Variants in OPCML observed in about 807,000 individuals in gnomAD.
The protein encoded by OPCML is opioid-binding protein/cell adhesion molecule.
A neutral mutation model predicts 37.8 loss-of-function variants in OPCML; 13 were observed. The ratio of observed to expected loss-of-function variants is 0.34; its 90% CI spans 0.22 to 0.55. The LOEUF (loss-of-function observed/expected upper bound fraction) is 0.55, where lower values mean the gene tolerates loss of function less well. OPCML is among the 20% of genes least tolerant of loss of function. The pLI, the probability that OPCML is intolerant of heterozygous loss-of-function variation, is 0.91. For missense variants in OPCML, 341 were observed against 435.6 expected, an observed-to-expected ratio of 0.78 and a Z score of 1.93; for synonymous variants, 176 against 168.8, an observed-to-expected ratio of 1.04 and a Z score of -0.33.
At chr11:133,311,775 G>T (rs1043948597) in intron 1 of OPCML, among the ~76,000 whole-genome samples, 2 of 152,182 alleles carry the variant, frequency 1.3e-5, no homozygotes, top group Non-Finnish European at 2.9e-5. Context: ...CAGGTTTGGG[G>T]AAACTGGGGC....
At chr11:132,627,926 G>C (rs1393376083) in intron 3 of OPCML, among the ~76,000 whole-genome samples, 1 of 151,972 alleles carries the variant, frequency 6.6e-6, no homozygotes, top group South Asian at 2.1e-4. Flanking sequence ...ACTGGGCCTC[G>C]TATAATGTGT....
intron 1 of OPCML, among the ~76,000 whole-genome samples, chr11:133,001,069 T>A (rs1037656121): frequency 2.8e-4 from 42 of 152,336 alleles, no homozygotes; most frequent in African/African-American, 1.0e-3. Flanking sequence ...ATGCTTCCTG[T>A]ACAGTCTGCA....
rs1296334793 is a variant in OPCML, at chr11:133,140,940, A to T, written c.62-197930T>A. ...AAGAAGACGACGACGACGAAGAAGA[A>T]GAAGACGACGAAGAAGAAGAAGAAG... On this transcript the variant is annotated intron_variant, in intron 1 of 7. Coordinates refer to ENST00000524381, the MANE Select transcript of OPCML (RefSeq NM_001012393.5). Among the ~76,000 whole-genome samples the T allele has an allele frequency of 2.5e-4, 4 of 16,196 alleles. 1 individual carries two copies. Among genetic ancestry groups the T allele is most frequent in the Admixed American group, 1.1e-3 (1 of 932 alleles). The allele number at this position is 16,196 out of a possible 152,430, so 10.6% of individuals were successfully genotyped here. A position where few individuals can be genotyped will look rare whatever the true frequency, so the allele number is the denominator to read the frequency against.
At chr11:133,052,438 C>T (rs1309286532) in intron 1 of OPCML, among the ~76,000 whole-genome samples, 1 of 152,170 alleles carries the variant, frequency 6.6e-6, no homozygotes, top group Non-Finnish European at 1.5e-5. Flanking sequence ...CCTCATAGAG[C>T]TTAGATTTGG....
chr11:132,978,237 GAC>G (rs1479451911), intron 1 of OPCML, among the ~76,000 whole-genome samples: 1 of 152,166 alleles, frequency 6.6e-6, no homozygotes, highest in East Asian at 1.9e-4. Flanking sequence ...AAATCGTTTG[GAC>G]CAAGCTTGGG....
At chr11:132,480,057 G>T (rs373991502) in intron 4 of OPCML, among the ~76,000 whole-genome samples, 1 of 152,118 alleles carries the variant, frequency 6.6e-6, no homozygotes, top group Non-Finnish European at 1.5e-5. Flanking sequence ...GGCTTCAGAC[G>T]ATCAAATTAC....
At chr11:132,992,859 CAGA>C (rs1183081515) in intron 1 of OPCML, among the ~76,000 whole-genome samples, 3 of 152,180 alleles carry the variant, frequency 2.0e-5, no homozygotes, top group Admixed American at 6.5e-5. Flanking sequence ...TTGTTACCAG[CAGA>C]AGATTATTGG....
chr11:132,565,295 T>C (rs981079479), intron 3 of OPCML, among the ~76,000 whole-genome samples: 4 of 152,192 alleles, frequency 2.6e-5, no homozygotes, highest in Non-Finnish European at 5.9e-5. Context: ...CAACTTGGGC[T>C]GTTTACCTTT....
intron 1 of OPCML, among the ~76,000 whole-genome samples, chr11:132,968,148 T>C (rs1311178387): frequency 1.3e-5 from 2 of 152,230 alleles, no homozygotes; most frequent in African/African-American, 4.8e-5. Context: ...TGGGTGCTGA[T>C]GTAAATAATA....
intron 1 of OPCML, among the ~76,000 whole-genome samples, chr11:133,243,202 T>G (rs1379434569): frequency 6.6e-6 from 1 of 152,156 alleles, no homozygotes; most frequent in East Asian, 1.9e-4. Flanking sequence ...GTTACAACGC[T>G]GAAAGAATAT....
chr11:133,274,313 A>T (rs1273549458), intron 1 of OPCML, among the ~76,000 whole-genome samples: 2 of 150,882 alleles, frequency 1.3e-5, no homozygotes, highest in Admixed American at 1.3e-4. Flanking sequence ...CTGTGCGGTC[A>T]TACTGGAATA....
chr11:133,293,877 GAA>G (rs201726110), intron 1 of OPCML, among the ~76,000 whole-genome samples: 1,420 of 90,412 alleles, frequency 0.016, 49 homozygotes, highest in African/African-American at 0.059. Context: ...ACATCCTAAA[GAA>G]AAAAAAAAAA....
chr11:132,729,288 C>G (rs572181530), intron 2 of OPCML, among the ~76,000 whole-genome samples: 7 of 152,086 alleles, frequency 4.6e-5, no homozygotes. Context: ...TTTTTTAAAG[C>G]CCTCATGAAT....
intron 1 of OPCML, among the ~76,000 whole-genome samples, chr11:133,384,323 A>G (rs1252237985): frequency 6.6e-6 from 1 of 150,748 alleles, no homozygotes; most frequent in African/African-American, 2.4e-5. Context: ...ATCACCTCCC[A>G]CCCTCCACTC....
At chr11:132,736,667 C>A (rs915874594) in intron 2 of OPCML, among the ~76,000 whole-genome samples, 1 of 152,158 alleles carries the variant, frequency 6.6e-6, no homozygotes, top group African/African-American at 2.4e-5. Flanking sequence ...GACATTCAAA[C>A]AGCCTTATGG....
At chr11:132,442,111 G>C (rs1229184527) in intron 4 of OPCML, among the ~76,000 whole-genome samples, 1 of 152,180 alleles carries the variant, frequency 6.6e-6, no homozygotes, top group Non-Finnish European at 1.5e-5. Flanking sequence ...AATGGGGGCA[G>C]AGACAATATG....
chr11:132,569,234 C>T (rs1250841708), intron 3 of OPCML, among the ~76,000 whole-genome samples: 15 of 152,124 alleles, frequency 9.9e-5, no homozygotes, highest in Admixed American at 2.6e-4. Flanking sequence ...TAGGAAACGC[C>T]CTAGTTCAAT....
rs551457876 is a variant in OPCML, at chr11:132,666,126, G to T, written c.147-8807C>A. 3.1e-4 allele frequency among the ~76,000 whole-genome samples: 47 copies of T among 152,278 alleles called. No individual in the cohort carries two copies. In the South Asian group the frequency reaches 8.3e-3, roughly 27 times the overall value. ...CATGAGTACAAGCTGAATTAGGATG[G>T]TGTCTTCGTCCATTTCCATTACCAT... On this transcript the variant is annotated intron_variant, in intron 2 of 7. Coordinates refer to ENST00000524381, the MANE Select transcript of OPCML (RefSeq NM_001012393.5).
At chr11:132,738,899 G>A (rs932035671) in intron 2 of OPCML, among the ~76,000 whole-genome samples, 2 of 152,072 alleles carry the variant, frequency 1.3e-5, no homozygotes, top group African/African-American at 4.8e-5. Context: ...TAATGAAGAG[G>A]ATCAAAATAT....
Sources: allele counts gnomAD v4.1 joint callset (sites outside exome capture counted in the v4.1 genomes callset), GRCh38; gene constraint gnomAD v4.1.1; transcripts MANE v1.5; gene names NCBI Gene and HGNC (gene_info 2026-07-23, HGNC 2026-07-21).